The following HS6ST3 variants were observed in gnomAD, a reference collection of about 807,000 sequenced individuals.
HS6ST3 encodes the protein heparan-sulfate 6-O-sulfotransferase 3.
In HS6ST3, 12 loss-of-function variants were observed where a neutral mutation model predicts 36.7. That is an observed-to-expected ratio of 0.33 (90% CI 0.21 to 0.53). The LOEUF (loss-of-function observed/expected upper bound fraction) is 0.53. Ranked by LOEUF, HS6ST3 falls within the 20% of genes least tolerant of loss-of-function variation. The probability of loss-of-function intolerance (pLI) is 0.95; values close to 1 mark genes in which losing one functional copy is unlikely to be tolerated. For synonymous variants in HS6ST3, 240 were observed against 257.5 expected (o/e 0.93, Z 0.65); for missense variants, 584 against 640.9 (o/e 0.91, Z 0.96).
At chr13:96,760,522 A>C (rs1401429717) in intron 1 of HS6ST3, among the ~76,000 whole-genome samples, 2 of 152,158 alleles carry the variant, frequency 1.3e-5, no homozygotes, top group African/African-American at 4.8e-5. Flanking sequence ...TAATTTTTAA[A>C]ATTTAAATAT....
chr13:96,476,023 C>T (rs577393322), intron 1 of HS6ST3, among the ~76,000 whole-genome samples: 1 of 152,310 alleles, frequency 6.6e-6, no homozygotes, highest in East Asian at 1.9e-4. Flanking sequence ...GCTGAGACGC[C>T]TTGGAGGCTG....
chr13:96,405,071 C>A (rs950693239), intron 1 of HS6ST3, among the ~76,000 whole-genome samples: 1 of 152,190 alleles, frequency 6.6e-6, no homozygotes, highest in Non-Finnish European at 1.5e-5. Flanking sequence ...GCCTTCCCAG[C>A]CAAGTGGAGC....
intron 1 of HS6ST3, among the ~76,000 whole-genome samples, chr13:96,475,299 A>G (rs966249687): frequency 6.6e-6 from 1 of 152,152 alleles, no homozygotes; most frequent in Non-Finnish European, 1.5e-5. Context: ...GCAACAGGAC[A>G]GTCCGTGCTC....
At chr13:96,338,520 TAGAG>T (rs1384228513) in intron 1 of HS6ST3, among the ~76,000 whole-genome samples, 4 of 152,182 alleles carry the variant, frequency 2.6e-5, no homozygotes, top group Non-Finnish European at 4.4e-5. Flanking sequence ...CAAGAAGAGT[TAGAG>T]AGAGCATCTG....
At chr13:96,739,177 G>C (rs950671186) in intron 1 of HS6ST3, among the ~76,000 whole-genome samples, 1 of 150,308 alleles carries the variant, frequency 6.7e-6, no homozygotes, top group Non-Finnish European at 1.5e-5. Flanking sequence ...GAATCCCAGG[G>C]CTCCATTTTT....
chr13:96,487,774 C>CT (rs1247171816), intron 1 of HS6ST3, among the ~76,000 whole-genome samples: 1 of 152,116 alleles, frequency 6.6e-6, no homozygotes, highest in African/African-American at 2.4e-5. Context: ...TCATATTTGG[C>CT]TTATCATCCC....
At chr13:96,632,357 C>A in intron 1 of HS6ST3, among the ~76,000 whole-genome samples, 1 of 151,646 alleles carries the variant, frequency 6.6e-6, no homozygotes, top group East Asian at 1.9e-4. Flanking sequence ...TTTTCTGACC[C>A]ATTCTAGGGC....
chr13:96,815,671 T>C (rs928607609), intron 1 of HS6ST3, among the ~76,000 whole-genome samples: 1 of 152,106 alleles, frequency 6.6e-6, no homozygotes, highest in East Asian at 1.9e-4. Flanking sequence ...TAAAATACTA[T>C]TGTGACCAGA....
chr13:96,121,965 C>T (rs1294352931), intron 1 of HS6ST3, among the ~76,000 whole-genome samples: 1 of 151,970 alleles, frequency 6.6e-6, no homozygotes, highest in Non-Finnish European at 1.5e-5. Flanking sequence ...AACCCATTGC[C>T]CCAAAACACT....
At chr13:96,367,170 T>C (rs1403218021) in intron 1 of HS6ST3, among the ~76,000 whole-genome samples, 1 of 152,194 alleles carries the variant, frequency 6.6e-6, no homozygotes, top group Non-Finnish European at 1.5e-5. Flanking sequence ...TAACGGAAGA[T>C]GCCAAATAGA....
intron 1 of HS6ST3, among the ~76,000 whole-genome samples, chr13:96,304,713 T>TTCTTTCTTTC (rs1364311030): frequency 1.5e-5 from 1 of 67,896 alleles, no homozygotes; most frequent in African/African-American, 6.6e-5. Flanking sequence ...CTTTCTTTCT[T>TTCTTTCTTTC]TTTTTTTTTT....
At chr13:96,449,410 G>A (rs2055716085) in intron 1 of HS6ST3, among the ~76,000 whole-genome samples, 1 of 152,146 alleles carries the variant, frequency 6.6e-6, no homozygotes, top group East Asian at 1.9e-4. Context: ...GTATCCCTCT[G>A]CTACCAGTCT....
At chr13:96,802,764 G>A (rs1460613135) in intron 1 of HS6ST3, among the ~76,000 whole-genome samples, 5 of 152,104 alleles carry the variant, frequency 3.3e-5, no homozygotes, top group Non-Finnish European at 4.4e-5. Flanking sequence ...TGGATTCCCC[G>A]TGACCCAGAT....
intron 1 of HS6ST3, among the ~76,000 whole-genome samples, chr13:96,769,548 A>G (rs1248225897): frequency 6.7e-6 from 1 of 149,258 alleles, no homozygotes; most frequent in African/African-American, 2.5e-5. Context: ...AGTATTGCTG[A>G]CACATTGTTT....
intron 1 of HS6ST3, among the ~76,000 whole-genome samples, chr13:96,408,057 A>G (rs2055487935): frequency 6.6e-6 from 1 of 152,104 alleles, no homozygotes; most frequent in Non-Finnish European, 1.5e-5. Context: ...CTCCAGCCTC[A>G]GCCTCCCGAG....
At chr13:96,094,889 A>AT (rs1220639362) in intron 1 of HS6ST3, among the ~76,000 whole-genome samples, 3 of 151,744 alleles carry the variant, frequency 2.0e-5, no homozygotes, top group African/African-American at 4.8e-5. Context: ...CCCCTCAGTT[A>AT]TTTTTTTGGC....
chr13:96,508,622 T>C (rs1487430103), intron 1 of HS6ST3, among the ~76,000 whole-genome samples: 1 of 152,118 alleles, frequency 6.6e-6, no homozygotes, highest in African/African-American at 2.4e-5. Context: ...AGTGAAAACA[T>C]ATGGCTTTTG....
At chr13:96,468,144 T>C (rs1460468760) in intron 1 of HS6ST3, among the ~76,000 whole-genome samples, 1 of 152,220 alleles carries the variant, frequency 6.6e-6, no homozygotes, top group African/African-American at 2.4e-5. Flanking sequence ...TTCCAAGCAG[T>C]GATTTGCATT....
rs999382402 is a variant in HS6ST3 at position 96,837,895 on chromosome 13, G to A, written c.*4697G>A. Reference sequence around the variant, plus strand: ...CCCTTTTTAATGTCTTCTTCCCCAGGCTCCTGGTACTTTGTCAGCAACATA... The same window carrying A: ...CCCTTTTTAATGTCTTCTTCCCCAGACTCCTGGTACTTTGTCAGCAACATA... On this transcript the variant is annotated 3_prime_UTR_variant, in exon 2 of 2. Coordinates refer to ENST00000376705, the MANE Select transcript of HS6ST3 (RefSeq NM_153456.4). 1 of 151,816 alleles carries A rather than the reference G, an allele frequency of 6.6e-6. No individual in the cohort carries two copies. The highest frequency in any genetic ancestry group is 6.6e-5 in the Admixed American group (1 of 15,262). The allele number at this position is 151,816 out of a possible 1,614,324, so 9.4% of individuals were successfully genotyped here.
Sources: allele counts gnomAD v4.1 joint callset (sites outside exome capture counted in the v4.1 genomes callset), GRCh38; gene constraint gnomAD v4.1.1; transcripts MANE v1.5; gene names NCBI Gene and HGNC (gene_info 2026-07-23, HGNC 2026-07-21).